DENND1A: variants seen among roughly 807,000 people sequenced by gnomAD.
The protein encoded by DENND1A is DENN domain-containing protein 1A.
In DENND1A, 51 loss-of-function variants were observed where a neutral mutation model predicts 113.7. The ratio of observed to expected loss-of-function variants is 0.45; its 90% CI spans 0.36 to 0.57. The LOEUF is 0.57. Ranked by LOEUF, DENND1A falls within the 20% of genes least tolerant of loss-of-function variation. The pLI is 0.00. For synonymous variants in DENND1A, 565 were observed against 570.8 expected, an observed-to-expected ratio of 0.99 and a Z score of 0.14; for missense variants, 1,258 against 1,395.9, an observed-to-expected ratio of 0.90 and a Z score of 1.57.
intron 3 of DENND1A, among the ~76,000 whole-genome samples, chr9:123,789,995 GTGTGTGTGTC>G (rs1021432590): frequency 6.6e-6 from 1 of 152,012 alleles, no homozygotes; most frequent in African/African-American, 2.4e-5. Context: ...GTGTGTGTGT[GTGTGTGTGTC>G]TGTGTGTCTG....
At chr9:123,651,408 G>GCA (rs1231660393) in intron 9 of DENND1A, among the ~76,000 whole-genome samples, 1 of 132,410 alleles carries the variant, frequency 7.6e-6, no homozygotes, top group African/African-American at 3.1e-5. Context: ...GTGCGCACAT[G>GCA]CGCGCACACA....
intron 5 of DENND1A, among the ~76,000 whole-genome samples, chr9:123,706,931 ATG>A (rs2066254635): frequency 1.3e-5 from 2 of 152,064 alleles, no homozygotes; most frequent in African/African-American, 2.4e-5. Flanking sequence ...TGAATTTTGG[ATG>A]TGTTATATAA....
chr9:123,889,536 A>G (rs900587169), intron 1 of DENND1A, among the ~76,000 whole-genome samples: 1 of 152,178 alleles, frequency 6.6e-6, no homozygotes, highest in African/African-American at 2.4e-5. Flanking sequence ...CCGAATAGAA[A>G]CATTAGTCTA....
intron 13 of DENND1A, among the ~76,000 whole-genome samples, chr9:123,546,392 CA>C (rs374250565): frequency 8.1e-5 from 12 of 147,846 alleles, no homozygotes; most frequent in East Asian, 3.9e-4. Flanking sequence ...ACTAAAAATA[CA>C]AAAAAAAAAG....
intron 1 of DENND1A, among the ~76,000 whole-genome samples, chr9:123,905,261 T>G (rs1005658697): frequency 1.3e-5 from 2 of 151,620 alleles, no homozygotes; most frequent in African/African-American, 4.9e-5. Flanking sequence ...CATGCCAAAA[T>G]GTAAAGACCA....
chr9:123,604,369 CT>C (rs2060057748), intron 11 of DENND1A, among the ~76,000 whole-genome samples: 1 of 152,200 alleles, frequency 6.6e-6, no homozygotes, highest in Non-Finnish European at 1.5e-5. Flanking sequence ...CCCAAATTCA[CT>C]ACAATTACTT....
intron 2 of DENND1A, among the ~76,000 whole-genome samples, chr9:123,871,621 AT>A (rs921776408): frequency 4.1e-4 from 63 of 151,846 alleles, no homozygotes; most frequent in African/African-American, 1.3e-3. Context: ...CTAAGCAAAG[AT>A]TTTTTTTTAT....
At position 123,589,210 on chromosome 9, in the gene DENND1A, T is replaced by C. The variant is rs184411198; in HGVS notation, c.766-5940A>G. ...GAAACAAACTCAACCAAGCCCCTTT[T>C]GTGGGATGTTATTTCCAGTTTTGAA... On this transcript the variant is annotated intron_variant, in intron 11 of 23. Transcript: ENST00000394215. 3.5e-4 allele frequency among the ~76,000 whole-genome samples: 54 copies of C among 152,278 alleles called. 1 individual carries two copies. The East Asian group carries it at 6.0e-3, about 17-fold the overall frequency.
intron 12 of DENND1A, among the ~76,000 whole-genome samples, chr9:123,578,001 G>A (rs2058711736): frequency 6.6e-6 from 1 of 152,170 alleles, no homozygotes; most frequent in African/African-American, 2.4e-5. Context: ...CTAGACTTGT[G>A]TGAGCTCTGA....
intron 5 of DENND1A, among the ~76,000 whole-genome samples, chr9:123,694,193 AAACC>A (rs1345514100): frequency 2.0e-5 from 3 of 152,154 alleles, no homozygotes; most frequent in African/African-American, 7.2e-5. Context: ...TGAGTGAAAT[AAACC>A]AAGTCTGTCT....
intron 10 of DENND1A, among the ~76,000 whole-genome samples, chr9:123,626,881 A>G (rs2061246026): frequency 6.6e-6 from 1 of 152,186 alleles, no homozygotes; most frequent in Admixed American, 6.5e-5. Context: ...AGGAGACAGC[A>G]CCCAGGCCCA....
chr9:123,797,005 C>A (rs1032307505), intron 2 of DENND1A, among the ~76,000 whole-genome samples: 4 of 152,086 alleles, frequency 2.6e-5, no homozygotes, highest in Non-Finnish European at 5.9e-5. Flanking sequence ...GCAGTTAACA[C>A]GGGAATCTAC....
At position 123,863,236 on chromosome 9, in the gene DENND1A, C is replaced by A. The variant is rs142466600; in HGVS notation, c.88+15715G>T. 8.0e-4 allele frequency among the ~76,000 whole-genome samples: 121 copies of A among 152,136 alleles called. 1 individual carries two copies. Among genetic ancestry groups the A allele is most frequent in the Admixed American group, 7.3e-3 (111 of 15,264 alleles). ...GAAAATTAGGATGGCACTATGAGGA[C>A]CAGAACACAAAGTAGGAAGTACTTA... On this transcript the variant is annotated intron_variant, in intron 2 of 23. Transcript: ENST00000394215.
At chr9:123,543,187 TG>T (rs1475704092) in intron 13 of DENND1A, among the ~76,000 whole-genome samples, 2 of 152,210 alleles carry the variant, frequency 1.3e-5, no homozygotes, top group Non-Finnish European at 2.9e-5. Flanking sequence ...CCTAATTCCA[TG>T]GTCTCAGAGC....
At chr9:123,615,136 G>T (rs2060589600) in intron 10 of DENND1A, among the ~76,000 whole-genome samples, 5 of 152,322 alleles carry the variant, frequency 3.3e-5, no homozygotes, top group Admixed American at 2.6e-4. Flanking sequence ...GTGTAGGAGA[G>T]GAAGCCAGTA....
At chr9:123,864,079 T>A (rs1302731668) in intron 2 of DENND1A, among the ~76,000 whole-genome samples, 3 of 151,956 alleles carry the variant, frequency 2.0e-5, no homozygotes, top group Non-Finnish European at 4.4e-5. Context: ...GCTGTCCTTT[T>A]GTGCCAAGAA....
At position 123,840,960 on chromosome 9, in the gene DENND1A, T is replaced by C. The variant is rs1456437061; in HGVS notation, c.88+37991A>G. On this transcript the variant is annotated intron_variant, in intron 2 of 23. Transcript: ENST00000394215. ...AGAATGTTAAGTGGCATTCTGCTGC[T>C]TGGAATTTCATCCCAAGGCTCCATT... Among the ~76,000 whole-genome samples, 6 of 152,212 alleles carry C rather than the reference T, an allele frequency of 3.9e-5. No individual in the cohort carries two copies. The East Asian group carries it at 1.2e-3, about 29-fold the overall frequency.
chr9:123,789,786 T>C (rs1564275200), intron 3 of DENND1A, among the ~76,000 whole-genome samples: 1 of 152,138 alleles, frequency 6.6e-6, no homozygotes, highest in Admixed American at 6.6e-5. Context: ...ACCTCCCTTT[T>C]TTCTCAGTTT....
At chr9:123,481,015 C>T (rs2050292879) in intron 13 of DENND1A, among the ~76,000 whole-genome samples, 1 of 151,930 alleles carries the variant, frequency 6.6e-6, no homozygotes, top group Non-Finnish European at 1.5e-5. Context: ...TTCACACTGA[C>T]TTTTTTTTTC....
Sources: gnomAD v4.1 joint callset for allele counts (sites outside exome capture counted in the v4.1 genomes callset) on GRCh38, gnomAD v4.1.1 for gene constraint, MANE v1.5 for transcripts, NCBI Gene and HGNC (gene_info 2026-07-23, HGNC 2026-07-21) for gene names.